Variants in CADM2 observed in about 807,000 individuals in gnomAD.
CADM2 encodes cell adhesion molecule 2, also known as immunoglobulin superfamily member 4D.
CADM2 carries 12 observed loss-of-function variants against 49.8 expected under a neutral mutation model. The ratio of observed to expected loss-of-function variants is 0.24; its 90% CI spans 0.15 to 0.39. The LOEUF is 0.39. Ranked by LOEUF, CADM2 falls within the 10% of genes least tolerant of loss-of-function variation. The pLI, the probability that CADM2 is intolerant of heterozygous loss-of-function variation, is 1.00. For synonymous variants in CADM2, 214 were observed against 175.4 expected (o/e 1.22, Z -1.74); for missense variants, 378 against 492.3 (o/e 0.77, Z 2.20).
intron 8 of CADM2, among the ~76,000 whole-genome samples, chr3:86,063,377 CA>C (rs146596527): frequency 1.7e-3 from 264 of 152,262 alleles, no homozygotes; most frequent in Non-Finnish European, 3.1e-3. Context: ...GGATCTGTAG[CA>C]ATTATAAAAA....
At chr3:86,025,422 T>C (rs1053682631) in intron 8 of CADM2, among the ~76,000 whole-genome samples, 5 of 149,386 alleles carry the variant, frequency 3.3e-5, no homozygotes, top group African/African-American at 1.3e-4. Context: ...AAAGTAAATA[T>C]CTTCTAAGGA....
intron 1 of CADM2, among the ~76,000 whole-genome samples, chr3:85,461,630 C>T (rs2038249252): frequency 6.7e-6 from 1 of 148,476 alleles, no homozygotes; most frequent in Non-Finnish European, 1.5e-5. Context: ...AACCCCAATT[C>T]AAGTTCTTAC....
intron 1 of CADM2, among the ~76,000 whole-genome samples, chr3:85,297,928 T>C (rs577714057): frequency 1.3e-5 from 2 of 152,130 alleles, no homozygotes; most frequent in South Asian, 4.1e-4. Context: ...TAAATATTTG[T>C]TAGATGCCTT....
At chr3:85,124,146 G>A (rs1045603049) in intron 1 of CADM2, among the ~76,000 whole-genome samples, 1 of 152,176 alleles carries the variant, frequency 6.6e-6, no homozygotes, top group Non-Finnish European at 1.5e-5. Flanking sequence ...TGGGAAGATA[G>A]GGGCACAATA....
intron 1 of CADM2, among the ~76,000 whole-genome samples, chr3:85,184,609 T>C: frequency 6.6e-6 from 1 of 152,042 alleles, no homozygotes; most frequent in East Asian, 1.9e-4. Flanking sequence ...TTGAGACATG[T>C]CGATAAGGAA....
Position 85,883,338 on chromosome 3 carries a change from T to C in CADM2, c.286T>C (p.Leu96=), listed in dbSNP as rs374206486. The C allele has an allele frequency of 2.2e-5, 35 of 1,613,652 alleles. No homozygotes were observed. Among genetic ancestry groups the C allele is most frequent in the Non-Finnish European group, 3.0e-5 (35 of 1,179,814 alleles). ...GCTGGTTCGCGCTTCCTGGCATGAA[T>C]TGAGTATTAGTGTCAGTGATGTGTC... ...IELVRASWHE[L]SISVSDVSLS... Residue 96 remains leucine (L), a synonymous_variant, in exon 4 of 10, where the codon TTG becomes CTG. Coordinates refer to ENST00000383699, the MANE Select transcript of CADM2 (RefSeq NM_001167675.2).
chr3:85,853,400 G>C (rs895229980), intron 3 of CADM2, among the ~76,000 whole-genome samples: 1 of 152,024 alleles, frequency 6.6e-6, no homozygotes, highest in African/African-American at 2.4e-5. Flanking sequence ...AAGTATTTCA[G>C]TTTTTAAGTT....
At chr3:85,922,585 A>G (rs553777623) in intron 6 of CADM2, among the ~76,000 whole-genome samples, 3 of 152,140 alleles carry the variant, frequency 2.0e-5, no homozygotes, top group African/African-American at 7.2e-5. Context: ...TGATCCTGAA[A>G]TATACCCATC....
intron 1 of CADM2, among the ~76,000 whole-genome samples, chr3:85,622,746 G>A (rs1317361309): frequency 1.3e-5 from 2 of 152,066 alleles, no homozygotes; most frequent in East Asian, 1.9e-4. Context: ...TATGCACTGC[G>A]TTTTAAGAAT....
intron 1 of CADM2, among the ~76,000 whole-genome samples, chr3:85,321,976 T>C (rs1221620336): frequency 6.6e-6 from 1 of 152,242 alleles, no homozygotes; most frequent in East Asian, 1.9e-4. Context: ...AACGTCATTT[T>C]TGCCCAAGCA....
At chr3:85,186,697 C>A (rs1320382954) in intron 1 of CADM2, among the ~76,000 whole-genome samples, 1 of 151,788 alleles carries the variant, frequency 6.6e-6, no homozygotes, top group Non-Finnish European at 1.5e-5. Flanking sequence ...TAGTCTCTCC[C>A]AGTCTTGACA....
At chr3:86,060,324 C>G (rs11914992) in intron 8 of CADM2, among the ~76,000 whole-genome samples, 1 of 151,666 alleles carries the variant, frequency 6.6e-6, no homozygotes, top group Non-Finnish European at 1.5e-5. Flanking sequence ...ATCAATGAAA[C>G]CTTTCCCTAA....
At chr3:85,940,704 C>G (rs1399620128) in intron 7 of CADM2, among the ~76,000 whole-genome samples, 9 of 152,004 alleles carry the variant, frequency 5.9e-5, no homozygotes, top group Admixed American at 5.9e-4. Context: ...AGGTGTCATA[C>G]TTTGAGGCAC....
intron 1 of CADM2, among the ~76,000 whole-genome samples, chr3:85,582,470 G>A (rs2062826677): frequency 6.6e-6 from 1 of 152,152 alleles, no homozygotes; most frequent in African/African-American, 2.4e-5. Context: ...AGCGCAGGCT[G>A]CCATAACTAA....
intron 1 of CADM2, among the ~76,000 whole-genome samples, chr3:84,991,830 C>T (rs1396615015): frequency 1.3e-5 from 2 of 152,160 alleles, no homozygotes; most frequent in Admixed American, 1.3e-4. Flanking sequence ...AACAAATGAG[C>T]TCTCAAGCCA....
intron 1 of CADM2, among the ~76,000 whole-genome samples, chr3:85,399,168 A>G (rs927909336): frequency 3.9e-5 from 6 of 152,098 alleles, no homozygotes; most frequent in Non-Finnish European, 8.8e-5. Context: ...ATTTTTGTAT[A>G]AGGTGTAAGG....
chr3:85,020,931 T>C (rs1040445920), intron 1 of CADM2, among the ~76,000 whole-genome samples: 1 of 152,042 alleles, frequency 6.6e-6, no homozygotes, highest in East Asian at 1.9e-4. Flanking sequence ...ATTCATATTA[T>C]ATGGCATTAA....
At position 85,716,326 on chromosome 3, in the gene CADM2, C is replaced by G. The variant is rs370308618; in HGVS notation, c.62-10196C>G. On this transcript the variant is annotated intron_variant, in intron 1 of 9. Transcript: ENST00000383699. ...TCTTTGGAGAAATGTCTGTTCATAACCTTTGCCCACTTTTTGATGGGGTTG... is the reference window on the plus strand; with the variant it reads ...TCTTTGGAGAAATGTCTGTTCATAAGCTTTGCCCACTTTTTGATGGGGTTG... 2.6e-5 allele frequency among the ~76,000 whole-genome samples: 4 copies of G among 152,124 alleles called. No individual in the cohort carries two copies. In the East Asian group the frequency reaches 7.7e-4, roughly 29 times the overall value.
At chr3:85,142,295 A>G (rs2039600817) in intron 1 of CADM2, among the ~76,000 whole-genome samples, 1 of 152,196 alleles carries the variant, frequency 6.6e-6, no homozygotes, top group Non-Finnish European at 1.5e-5. Context: ...CTGTAGCTAT[A>G]GTTTTCTAAT....
Sources: gnomAD v4.1 joint callset for allele counts (sites outside exome capture counted in the v4.1 genomes callset) on GRCh38, gnomAD v4.1.1 for gene constraint, MANE v1.5 for transcripts, NCBI Gene and HGNC (gene_info 2026-07-23, HGNC 2026-07-21) for gene names.